The following VPS13B variants were observed in gnomAD, a reference collection of about 807,000 sequenced individuals.
VPS13B encodes vacuolar protein sorting 13 homolog B, also known as intermembrane lipid transfer protein VPS13B.
Under a neutral mutation model 426.4 loss-of-function variants are expected in VPS13B, and 285 were observed. The ratio of observed to expected loss-of-function variants is 0.67; its 90% confidence interval spans 0.61 to 0.74. The LOEUF (loss-of-function observed/expected upper bound fraction) is 0.74, where lower values mean the gene tolerates loss of function less well. VPS13B is among the 30% of genes least tolerant of loss of function. The pLI is 0.00. For missense variants in VPS13B, 4,537 were observed against 4,782.6 expected (o/e 0.95, Z 1.51); for synonymous variants, 1,676 against 1,676.4 (o/e 1.00, Z 0.01).
At chr8:99,148,748 T>C (rs905446270) in intron 14 of VPS13B, among the ~76,000 whole-genome samples, 4 of 152,240 alleles carry the variant, frequency 2.6e-5, no homozygotes, top group African/African-American at 9.6e-5. Flanking sequence ...AAGTCAGTAA[T>C]GGTGCCAGCT....
intron 43 of VPS13B, among the ~76,000 whole-genome samples, chr8:99,801,258 T>C (rs907518128): frequency 2.6e-5 from 4 of 152,172 alleles, no homozygotes; most frequent in African/African-American, 7.2e-5. Flanking sequence ...AGTGACTCCT[T>C]CTTTCCAAAA....
At chr8:99,107,100 A>G (rs984703845) in intron 5 of VPS13B, among the ~76,000 whole-genome samples, 1 of 152,182 alleles carries the variant, frequency 6.6e-6, no homozygotes, top group African/African-American at 2.4e-5. Flanking sequence ...AGATACTGAC[A>G]AATAGTTTTT....
chr8:99,102,811 C>T (rs1563541111), intron 4 of VPS13B, 142 bp from the exon 5 acceptor site: 1 of 826,984 alleles, frequency 1.2e-6, no homozygotes, highest in Non-Finnish European at 1.9e-6. Context: ...AGCCTTTTAA[C>T]CTATCTGAAC....
intron 17 of VPS13B, among the ~76,000 whole-genome samples, chr8:99,219,301 T>C (rs759737371): frequency 2.8e-4 from 43 of 152,196 alleles, no homozygotes; most frequent in Non-Finnish European, 2.5e-4. Flanking sequence ...ACAGCAGCAG[T>C]AGCACGATGT....
chr8:99,214,654 G>A (rs1237786651), intron 17 of VPS13B, among the ~76,000 whole-genome samples: 3 of 151,956 alleles, frequency 2.0e-5, no homozygotes, highest in Admixed American at 2.0e-4. Flanking sequence ...CCAAATACCA[G>A]GTGTTGTCCA....
chr8:99,253,084 G>A (rs1229917124), intron 17 of VPS13B, among the ~76,000 whole-genome samples: 1 of 151,746 alleles, frequency 6.6e-6, no homozygotes, highest in African/African-American at 2.4e-5. Flanking sequence ...ATGGAATCGT[G>A]GAATATGTAA....
intron 30 of VPS13B, among the ~76,000 whole-genome samples, chr8:99,555,222 T>C (rs968954330): frequency 2.0e-5 from 3 of 152,122 alleles, no homozygotes; most frequent in East Asian, 3.9e-4. Context: ...ACACCCGTTG[T>C]CTTGAGTCTG....
intron 30 of VPS13B, among the ~76,000 whole-genome samples, chr8:99,522,376 T>TA (rs924370379): frequency 6.6e-6 from 1 of 152,206 alleles, no homozygotes; most frequent in Non-Finnish European, 1.5e-5. Context: ...ACCACTGAGA[T>TA]AATTCCTTTC....
At position 99,818,703 on chromosome 8, in the gene VPS13B, AT is replaced by A. The variant is rs760534492; in HGVS notation, c.8446-5del. On this transcript the variant is annotated splice_polypyrimidine_tract_variant and intron_variant, in intron 46 of 61. Coordinates refer to ENST00000357162, the MANE Select transcript of VPS13B (RefSeq NM_152564.5). ...AATATGAAAGTTGTTCTATCCTTTT[AT>A]TTTTATAGATTGTGTTCAGCCCTCT... 4 of 1,613,454 alleles carry A rather than the reference AT, an allele frequency of 2.5e-6. No homozygotes were observed. In the Admixed American group the frequency reaches 6.7e-5, roughly 27 times the overall value.
rs558792393 is a variant in VPS13B at position 99,069,943 on chromosome 8, A to T, written c.292-26369A>T. Among the ~76,000 whole-genome samples, 31 of 152,308 alleles carry T rather than the reference A, an allele frequency of 2.0e-4. No individual in the cohort carries two copies. In the South Asian group the frequency reaches 6.2e-3, roughly 31 times the overall value. On this transcript the variant is annotated intron_variant, in intron 3 of 61. Transcript: ENST00000357162. ...TTTTAGACAAGATCTTGCTCTGTCC[A>T]CTCAGGCAGGAGTGTGGTGGCACAG...
At chr8:99,594,400 TTA>T (rs1826882774) in intron 33 of VPS13B, among the ~76,000 whole-genome samples, 1 of 151,976 alleles carries the variant, frequency 6.6e-6, no homozygotes, top group African/African-American at 2.4e-5. Flanking sequence ...AAGCTGTTTC[TTA>T]AGCATTTTCC....
intron 23 of VPS13B, among the ~76,000 whole-genome samples, chr8:99,456,158 A>T (rs1818445649): frequency 6.6e-6 from 1 of 151,948 alleles, no homozygotes; most frequent in Non-Finnish European, 1.5e-5. Flanking sequence ...TTCCTAGTTT[A>T]CTGAGACCTT....
At chr8:99,086,015 G>T (rs1324339070) in intron 3 of VPS13B, among the ~76,000 whole-genome samples, 1 of 152,198 alleles carries the variant, frequency 6.6e-6, no homozygotes, top group Admixed American at 6.5e-5. Context: ...TGCCTTGCTA[G>T]ATTGGGGAAG....
rs945160146 is a variant in VPS13B, at chr8:99,228,953, T to G, written c.2515+35896T>G. 4.6e-5 allele frequency among the ~76,000 whole-genome samples: 7 copies of G among 152,104 alleles called. No individual in the cohort carries two copies. In the East Asian group the frequency reaches 5.8e-4, roughly 13 times the overall value. The stretch of plus-strand genomic sequence containing the variant: ...TGTTAATGTTAGTGGAGGATGAGTG[T>G]GATAGTAAGCTCAATCATCACATGT... On this transcript the variant is annotated intron_variant, in intron 17 of 61. Transcript: ENST00000357162.
At chr8:99,413,796 CTG>C (rs1176813165) in intron 21 of VPS13B, among the ~76,000 whole-genome samples, 1 of 151,004 alleles carries the variant, frequency 6.6e-6, no homozygotes, top group African/African-American at 2.4e-5. Context: ...GTCTGAGAGA[CTG>C]TTATGATTTC....
At chr8:99,162,029 C>T (rs986275679) in intron 15 of VPS13B, among the ~76,000 whole-genome samples, 4 of 152,062 alleles carry the variant, frequency 2.6e-5, no homozygotes, top group Non-Finnish European at 4.4e-5. Flanking sequence ...CCACTGCGTC[C>T]GGCCAAGAAT....
chr8:99,521,543 A>G (rs1464755482), intron 30 of VPS13B, among the ~76,000 whole-genome samples: 1 of 152,232 alleles, frequency 6.6e-6, no homozygotes, highest in Non-Finnish European at 1.5e-5. Context: ...AACCACACCA[A>G]GCATACATGG....
intron 30 of VPS13B, among the ~76,000 whole-genome samples, chr8:99,542,584 G>A (rs932620820): frequency 2.0e-5 from 3 of 152,282 alleles, no homozygotes; most frequent in Admixed American, 6.5e-5. Flanking sequence ...GGGGACAAGT[G>A]ATTGAGATCA....
chr8:99,389,073 C>T (rs892803431), intron 20 of VPS13B, among the ~76,000 whole-genome samples: 9 of 151,986 alleles, frequency 5.9e-5, no homozygotes, highest in Admixed American at 5.2e-4. Flanking sequence ...CGCTTGAACC[C>T]GGAGGGCAGA....
Sources: allele counts gnomAD v4.1 joint callset (sites outside exome capture counted in the v4.1 genomes callset), GRCh38; gene constraint gnomAD v4.1.1; transcripts MANE v1.5; gene names NCBI Gene and HGNC (gene_info 2026-07-23, HGNC 2026-07-21).